ACYP2: variants seen among roughly 807,000 people sequenced by gnomAD.
The protein encoded by ACYP2 is acylphosphatase-2.
In ACYP2, 12 loss-of-function variants were observed where a neutral mutation model predicts 11.2. That is an observed-to-expected ratio of 1.08 (90% CI 0.69 to 1.74). The LOEUF is 1.74. ACYP2 is among the 40% of genes most tolerant of loss of function. ACYP2 has a pLI of 0.00. For synonymous variants in ACYP2, 43 were observed against 32.2 expected (o/e 1.33, Z -1.13); for missense variants, 134 against 101.9 (o/e 1.31, Z -1.35).
intron 2 of ACYP2, among the ~76,000 whole-genome samples, chr2:53,992,830 CA>C (rs535748279): frequency 2.7e-3 from 275 of 100,626 alleles, no homozygotes; most frequent in Admixed American, 3.6e-3. Flanking sequence ...AACTCCATCT[CA>C]AAAAAAAAAA....
chr2:53,977,107 G>A (rs144042572), intron 2 of ACYP2, among the ~76,000 whole-genome samples: 1,621 of 152,216 alleles, frequency 0.011, 27 homozygotes, highest in African/African-American at 0.038. Context: ...GTGTGCAGTG[G>A]CATGATCTGG....
intron 6 of ACYP2, among the ~76,000 whole-genome samples, chr2:54,240,183 G>A (rs935995465): frequency 3.3e-5 from 5 of 152,186 alleles, no homozygotes; most frequent in African/African-American, 1.2e-4. Flanking sequence ...CATAGAGTCT[G>A]TAGCTTAGAT....
intron 6 of ACYP2, among the ~76,000 whole-genome samples, chr2:54,262,929 A>T (rs1687845820): frequency 1.3e-5 from 2 of 152,156 alleles, no homozygotes; most frequent in African/African-American, 4.8e-5. Flanking sequence ...ATGTGATAGA[A>T]GGTTTAGAAG....
intron 4 of ACYP2, among the ~76,000 whole-genome samples, chr2:54,074,525 T>C (rs1423344741): frequency 6.6e-6 from 1 of 152,050 alleles, no homozygotes; most frequent in Non-Finnish European, 1.5e-5. Context: ...GAATTGTACA[T>C]TTTAAATGGG....
chr2:53,991,537 C>T (rs1411987938), intron 2 of ACYP2, among the ~76,000 whole-genome samples: 1 of 151,852 alleles, frequency 6.6e-6, no homozygotes, highest in East Asian at 1.9e-4. Flanking sequence ...TCCTGAGTAG[C>T]TGGGATTACA....
chr2:54,262,029 T>C (rs530768904), intron 6 of ACYP2, among the ~76,000 whole-genome samples: 2 of 152,352 alleles, frequency 1.3e-5, no homozygotes, highest in East Asian at 3.9e-4. Context: ...GTTAATAAAT[T>C]ATGATTTAAT....
In ACYP2 at chr2:54,025,555, T is replaced by C. The variant is rs576240781; in HGVS notation, c.63-25403T>C. On this transcript the variant is annotated intron_variant, in intron 2 of 6. Transcript: ENST00000607452. ...AACAATGAAACTGGATTCTCATCTC[T>C]TACCTTATAAAAAAATCAACTCAAG... Among the ~76,000 whole-genome samples the C allele has an allele frequency of 1.2e-4, 18 of 152,144 alleles. No homozygotes were observed. In the South Asian group the frequency reaches 3.5e-3, roughly 30 times the overall value.
At chr2:54,000,642 C>G (rs905724096) in intron 2 of ACYP2, among the ~76,000 whole-genome samples, 4 of 152,176 alleles carry the variant, frequency 2.6e-5, no homozygotes, top group Admixed American at 2.6e-4. Flanking sequence ...ACACTACATT[C>G]ATTTAAGGAA....
chr2:54,177,639 A>T (rs1683519862), intron 6 of ACYP2, among the ~76,000 whole-genome samples: 1 of 146,640 alleles, frequency 6.8e-6, no homozygotes, highest in African/African-American at 2.6e-5. Flanking sequence ...GTGTAGTGGC[A>T]CGATCTCGGC....
At chr2:54,097,210 T>C (rs1003755613) in intron 4 of ACYP2, among the ~76,000 whole-genome samples, 1 of 152,242 alleles carries the variant, frequency 6.6e-6, no homozygotes, top group Non-Finnish European at 1.5e-5. Context: ...TCCTGGTCCT[T>C]CTTAACCCAC....
intron 2 of ACYP2, among the ~76,000 whole-genome samples, chr2:54,008,991 A>G (rs1040918221): frequency 1.3e-5 from 2 of 150,042 alleles, no homozygotes; most frequent in African/African-American, 4.9e-5. Flanking sequence ...CGTCTATACT[A>G]AAAATACAAA....
At chr2:54,133,575 C>G (rs1681053265) in intron 4 of ACYP2, among the ~76,000 whole-genome samples, 1 of 152,100 alleles carries the variant, frequency 6.6e-6, no homozygotes, top group African/African-American at 2.4e-5. Flanking sequence ...TTACTTAGGC[C>G]TATTTTAACC....
intron 2 of ACYP2, among the ~76,000 whole-genome samples, chr2:54,037,481 G>T (rs6748686): frequency 0.094 from 14,219 of 152,008 alleles, 886 homozygotes; most frequent in African/African-American, 0.18. Context: ...CACAATCACG[G>T]CCCACTGCAG....
At chr2:54,069,663 A>C (rs192496406) in intron 4 of ACYP2, among the ~76,000 whole-genome samples, 2 of 152,216 alleles carry the variant, frequency 1.3e-5, no homozygotes, top group African/African-American at 4.8e-5. Flanking sequence ...CTCCGTCTCA[A>C]AAAAACAAAA....
chr2:54,248,708 A>G (rs1473470760), intron 6 of ACYP2, among the ~76,000 whole-genome samples: 1 of 152,200 alleles, frequency 6.6e-6, no homozygotes, highest in Non-Finnish European at 1.5e-5. Context: ...ATCACCGAAG[A>G]AAAGAAGATG....
At chr2:54,184,011 A>G (rs1324734030) in intron 6 of ACYP2, among the ~76,000 whole-genome samples, 2 of 152,198 alleles carry the variant, frequency 1.3e-5, no homozygotes, top group African/African-American at 4.8e-5. Context: ...GCAAGATGAT[A>G]GATGCTCAAC....
chr2:54,256,816 GTTTGTTTTGTTTTGTTTT>G (rs1233350895), intron 6 of ACYP2, among the ~76,000 whole-genome samples: 1 of 151,122 alleles, frequency 6.6e-6, no homozygotes, highest in Non-Finnish European at 1.5e-5. Context: ...TTTTTTGTTT[GTTTGTTTTGTTTTGTTTT>G]GTTTTGTATT....
intron 2 of ACYP2, among the ~76,000 whole-genome samples, chr2:53,997,508 G>A (rs1672627893): frequency 6.6e-6 from 1 of 151,776 alleles, no homozygotes; most frequent in African/African-American, 2.4e-5. Flanking sequence ...GTTTCACCAT[G>A]TTGGTCAGGC....
At chr2:54,050,598 C>T (rs1402332987) in intron 2 of ACYP2, among the ~76,000 whole-genome samples, 1 of 150,414 alleles carries the variant, frequency 6.6e-6, no homozygotes, top group African/African-American at 2.4e-5. Flanking sequence ...ATTTTAAACT[C>T]GCATATATGA....
Sources: allele counts gnomAD v4.1 joint callset (sites outside exome capture counted in the v4.1 genomes callset), GRCh38; gene constraint gnomAD v4.1.1; transcripts MANE v1.5; gene names NCBI Gene and HGNC (gene_info 2026-07-23, HGNC 2026-07-21).